The following ARPC1B variants were observed in gnomAD, a reference collection of about 807,000 sequenced individuals.
ARPC1B encodes the protein actin related protein 2/3 complex subunit 1B.
Under a neutral mutation model 46.0 loss-of-function variants are expected in ARPC1B, and 29 were observed. The observed-to-expected ratio is 0.63, with a 90% confidence interval of 0.47 to 0.86. The LOEUF is 0.86. ARPC1B is among the 40% of genes least tolerant of loss of function. The pLI is 0.00. For synonymous variants in ARPC1B, 201 were observed against 213.9 expected (o/e 0.94, Z 0.53); for missense variants, 469 against 529.4 (o/e 0.89, Z 1.12).
At position 99,388,088 on chromosome 7, in the gene ARPC1B, C is replaced by T. The variant is rs377494694; in HGVS notation, c.219C>T (p.Asp73=). Residue 73 remains aspartate, a synonymous_variant, in exon 4 of 10, where the codon GAC becomes GAT. Transcript: ENST00000646101. ...ESNRIVTCGT[D]RNAYVWTLKG... is the part of the protein sequence containing the mutation. ...ACCGTATTGTGACCTGCGGCACAGA[C>T]CGCAACGCCTACGTGTGGACGCTGA... 4.4e-5 allele frequency: 71 copies of T among 1,613,782 alleles called. No homozygotes were observed. Among genetic ancestry groups the T allele is most frequent in the Non-Finnish European group, 5.8e-5 (68 of 1,179,818 alleles).
rs1245581099 is a variant in ARPC1B, at chr7:99,384,860, C to CTTT, written c.-13-826_-13-824dup. ...GGTGGTTTATGAGATTACTTCATTT[C>CTTT]TTTTTTTTTTTTTTTTTTCTGAGAT... On this transcript the variant is annotated intron_variant, in intron 1 of 9. Transcript: ENST00000646101. 8.5e-4 allele frequency among the ~76,000 whole-genome samples: 86 copies of CTTT among 101,200 alleles called. No homozygotes were observed. In the East Asian group the frequency reaches 0.023, roughly 27 times the overall value. 66.4% of individuals were successfully genotyped at this position (101,200 alleles called of 152,430 possible).
At chr7:99,380,520 C>T (rs1794181869) in intron 1 of ARPC1B, among the ~76,000 whole-genome samples, 3 of 152,214 alleles carry the variant, frequency 2.0e-5, no homozygotes, top group African/African-American at 7.2e-5. Context: ...CAACCTCCCT[C>T]CTCTGCCAGT....
intron 1 of ARPC1B, among the ~76,000 whole-genome samples, chr7:99,379,076 C>T (rs1466966692): frequency 3.3e-5 from 5 of 152,152 alleles, no homozygotes; most frequent in African/African-American, 2.4e-5. Context: ...CACACCTGGC[C>T]AGAATGCTAA....
chr7:99,387,509 G>A (rs1013571646), intron 3 of ARPC1B, among the ~76,000 whole-genome samples: 2 of 152,056 alleles, frequency 1.3e-5, no homozygotes, highest in Non-Finnish European at 2.9e-5. Context: ...AGGCGGAGGC[G>A]GGCGGATCAC....
At chr7:99,389,378 C>T (rs1038920575) in intron 4 of ARPC1B, 1 of 154,212 alleles carries the variant, frequency 6.5e-6, no homozygotes, top group African/African-American at 2.4e-5. Flanking sequence ...GACTACAGGC[C>T]CAAATCATTT....
chr7:99,377,927 C>T lies in ARPC1B; in HGVS notation c.-14+3146C>T, dbSNP rs114859316. 3.2e-3 allele frequency among the ~76,000 whole-genome samples: 487 copies of T among 152,028 alleles called. 3 individuals are homozygous for T. The highest frequency in any genetic ancestry group is 0.011 in the African/African-American group (465 of 41,362). On this transcript the variant is annotated intron_variant, in intron 1 of 9. Coordinates refer to ENST00000646101, the MANE Select transcript of ARPC1B (RefSeq NM_005720.4). The stretch of plus-strand genomic sequence containing the variant: ...GATTACAGGTGTGAGCCACCGCACC[C>T]GTCGGTTGATAGGTCTTTTCTAATA...
At chr7:99,377,936 A>G (rs892853725) in intron 1 of ARPC1B, among the ~76,000 whole-genome samples, 1 of 151,758 alleles carries the variant, frequency 6.6e-6, no homozygotes, top group Admixed American at 6.6e-5. Context: ...CCGTCGGTTG[A>G]TAGGTCTTTT....
chr7:99,377,909 G>A (rs990942151), intron 1 of ARPC1B, among the ~76,000 whole-genome samples: 2 of 152,010 alleles, frequency 1.3e-5, no homozygotes, highest in Admixed American at 6.6e-5. Flanking sequence ...TGGGATTACA[G>A]GTGTGAGCCA....
rs1794705775 is a variant in ARPC1B at position 99,394,639 on chromosome 7, G to A, written c.*150G>A. On this transcript the variant is annotated 3_prime_UTR_variant, in exon 10 of 10. Coordinates refer to ENST00000646101, the MANE Select transcript of ARPC1B (RefSeq NM_005720.4). ...CCTCAAAAAGGGAGGGGACAGATGG[G>A]GAGCTTTTCTTACCTATTCAAGGAA... The A allele has an allele frequency of 2.1e-6, 3 of 1,445,122 alleles. No individual in the cohort carries two copies. The highest frequency in any genetic ancestry group is 5.0e-5 in the East Asian group (2 of 39,846). 89.5% of individuals were successfully genotyped at this position (1,445,122 alleles called of 1,614,324 possible).
rs376760661 is a variant in ARPC1B, at chr7:99,379,805, ATT to A, written c.-14+5039_-14+5040del. ...TGCCTGGCACCACCATGCCTGGCTAATTTTTTTTTTTTTTTTCCAAGTGGAGA... is the reference window on the plus strand; with the variant it reads ...TGCCTGGCACCACCATGCCTGGCTAATTTTTTTTTTTTTTCCAAGTGGAGA... On this transcript the variant is annotated intron_variant, in intron 1 of 9. Coordinates refer to ENST00000646101, the MANE Select transcript of ARPC1B (RefSeq NM_005720.4). Among the ~76,000 whole-genome samples the A allele has an allele frequency of 5.6e-5, 8 of 142,014 alleles. No individual in the cohort carries two copies. In the East Asian group the frequency reaches 6.2e-4, roughly 11 times the overall value. 93.2% of individuals were successfully genotyped at this position (142,014 alleles called of 152,430 possible). A position where few individuals can be genotyped will look rare whatever the true frequency, so the allele number is the denominator to read the frequency against.
intron 1 of ARPC1B, among the ~76,000 whole-genome samples, chr7:99,380,013 T>C (rs867597222): frequency 2.6e-5 from 4 of 152,208 alleles, no homozygotes; most frequent in African/African-American, 9.6e-5. Flanking sequence ...GCCACAGTGA[T>C]AGTGGGTTGG....
rs777491800 is a variant in ARPC1B at position 99,390,996 on chromosome 7, T to C, written c.604T>C (p.Cys202Arg). The C allele has an allele frequency of 1.2e-6, 2 of 1,613,964 alleles. No individual in the cohort carries two copies. Among genetic ancestry groups the C allele is most frequent in the Non-Finnish European group, 1.7e-6 (2 of 1,180,010 alleles). Residue 202 changes from cysteine to arginine, a missense_variant, in exon 6 of 10, where the codon TGC (cysteine) becomes CGC (arginine). Physicochemically the swap from Cys to Arg is radical, Grantham distance 180. Transcript: ENST00000646101. Reference sequence around the variant, plus strand: ...ACTGATGTTCGAATCCAGCAGTAGCTGCGGCTGGGTACATGGCGTCTGTTT... The same window carrying C: ...ACTGATGTTCGAATCCAGCAGTAGCCGCGGCTGGGTACATGGCGTCTGTTT... Reference protein sequence around the residue: ...GELMFESSSSCGWVHGVCFSA... With the variant: ...GELMFESSSSRGWVHGVCFSA...
intron 4 of ARPC1B, chr7:99,388,508 A>G (rs1015431288): frequency 1.2e-5 from 6 of 513,958 alleles, no homozygotes; most frequent in African/African-American, 1.1e-4. Flanking sequence ...CTGCACACAC[A>G]TTAGTCCTGA....
rs2150895294 is a variant in ARPC1B, at chr7:99,389,892, C to CAT, written c.393-13_393-12insAT. 9.3e-6 allele frequency: 15 copies of CAT among 1,611,912 alleles called. No homozygotes were observed. Among genetic ancestry groups the CAT allele is most frequent in the Non-Finnish European group, 1.3e-5 (15 of 1,178,054 alleles). ...TGTCCCTCTCTCCCTGTCTGCCTGA[C>CAT]CACCGTTCCCAGGTGGGTTTGCAAG... On this transcript the variant is annotated splice_polypyrimidine_tract_variant and intron_variant, in intron 4 of 9. Coordinates refer to ENST00000646101, the MANE Select transcript of ARPC1B (RefSeq NM_005720.4).
intron 7 of ARPC1B, 60 bp from the exon 8 acceptor site, chr7:99,392,611 C>T: frequency 7.1e-7 from 1 of 1,407,338 alleles, no homozygotes. Flanking sequence ...CCCGCCTGGC[C>T]TTCCCTCCGG....
intron 3 of ARPC1B, 26 bp downstream of exon 3, chr7:99,386,815 G>A (rs780938381): frequency 5.0e-5 from 78 of 1,560,492 alleles, no homozygotes; most frequent in South Asian, 7.8e-5. Context: ...TGGGACCACC[G>A]TCCTGAAAGG....
intron 5 of ARPC1B, among the ~76,000 whole-genome samples, chr7:99,390,407 C>T (rs1484387491): frequency 4.0e-5 from 6 of 148,406 alleles, no homozygotes; most frequent in Non-Finnish European, 8.9e-5. Flanking sequence ...CTCGCTCTTT[C>T]GCCCAGGCTG....
Position 99,390,886 on chromosome 7 carries a change from C to T in ARPC1B, c.501-7C>T, listed in dbSNP as rs769150842. ...CTACTTTACCTCTACTTTGCCTATCCCGGTAGGATCTTTTCAGCCTACATC... is the reference window on the plus strand; with the variant it reads ...CTACTTTACCTCTACTTTGCCTATCTCGGTAGGATCTTTTCAGCCTACATC... On this transcript the variant is annotated splice_region_variant and splice_polypyrimidine_tract_variant and intron_variant, in intron 5 of 9. Coordinates refer to ENST00000646101, the MANE Select transcript of ARPC1B (RefSeq NM_005720.4). 2 of 1,595,250 alleles carry T rather than the reference C, an allele frequency of 1.3e-6. No individual in the cohort carries two copies. Among genetic ancestry groups the T allele is most frequent in the East Asian group, 4.5e-5 (2 of 44,486 alleles).
In ARPC1B at chr7:99,392,842, G is replaced by A. The variant is rs2150898049; in HGVS notation, c.955G>A (p.Ala319Thr). ...CTCCGAGGGTGGCACGGCTGCGGGC[G>A]CGGGCCTAGACTCGCTGCACAAGAA... is the stretch of plus-strand genomic sequence containing the variant. ...ASSEGGTAAGAGLDSLHKNSV... is the reference protein window; with the variant it reads ...ASSEGGTAAGTGLDSLHKNSV... The change falls in exon 8 of 10, where the codon GCG (alanine) becomes ACG (threonine). Residue 319 changes from alanine to threonine, a missense_variant. Transcript: ENST00000646101. The A allele has an allele frequency of 6.5e-7, 1 of 1,549,828 alleles. No individual in the cohort carries two copies. The highest frequency in any genetic ancestry group is 8.7e-7 in the Non-Finnish European group (1 of 1,146,656).
Sources: allele counts gnomAD v4.1 joint callset (sites outside exome capture counted in the v4.1 genomes callset), GRCh38; gene constraint gnomAD v4.1.1; transcripts MANE v1.5; gene names NCBI Gene and HGNC (gene_info 2026-07-23, HGNC 2026-07-21).